CELF4: variants seen among roughly 807,000 people sequenced by gnomAD.
CELF4 encodes CUGBP Elav-like family member 4.
A neutral mutation model predicts 59.9 loss-of-function variants in CELF4; 18 were observed. The observed-to-expected ratio is 0.30, with a 90% CI of 0.21 to 0.45. CELF4 has a LOEUF of 0.45. Ranked by LOEUF, CELF4 falls within the 20% of genes least tolerant of loss-of-function variation. CELF4 has a pLI of 1.00. For missense variants in CELF4, 456 were observed against 689.0 expected (o/e 0.66, Z 3.79); for synonymous variants, 261 against 267.1 (o/e 0.98, Z 0.22).
intron 2 of CELF4, among the ~76,000 whole-genome samples, chr18:37,346,153 G>C (rs1427966244): frequency 2.6e-5 from 4 of 152,188 alleles, no homozygotes; most frequent in African/African-American, 4.8e-5. Context: ...GAGGATGAGG[G>C]CTCCCTATGT....
chr18:37,259,480 G>A (rs1266733523), intron 10 of CELF4, among the ~76,000 whole-genome samples: 1 of 152,242 alleles, frequency 6.6e-6, no homozygotes, highest in Non-Finnish European at 1.5e-5. Context: ...CCTTGGGCAA[G>A]TCACTGAACC....
chr18:37,546,093 C>T (rs917514574), intron 1 of CELF4, among the ~76,000 whole-genome samples: 3 of 152,196 alleles, frequency 2.0e-5, no homozygotes, highest in African/African-American at 7.2e-5. Context: ...TTGCAGAGAA[C>T]TGCAGGCGTG....
chr18:37,519,954 T>C (rs2154604606), intron 1 of CELF4, among the ~76,000 whole-genome samples: 1 of 152,296 alleles, frequency 6.6e-6, no homozygotes, highest in Non-Finnish European at 1.5e-5. Context: ...AAGGGGTTCC[T>C]TGTTAAGACC....
At chr18:37,261,844 G>A (rs966379360) in intron 10 of CELF4, among the ~76,000 whole-genome samples, 2 of 152,230 alleles carry the variant, frequency 1.3e-5, no homozygotes, top group Non-Finnish European at 2.9e-5. Flanking sequence ...GGAGGTGGCA[G>A]AAGGGTCCTC....
Position 37,512,291 on chromosome 18 carries a change from C to T in CELF4, c.287-26684G>A, listed in dbSNP as rs144880017. ...GTCCATGTGCTGAGCGTGATGGGGCCGTGTCGGCCACCCACCCTCCAAGAT... is the reference window on the plus strand; with the variant it reads ...GTCCATGTGCTGAGCGTGATGGGGCTGTGTCGGCCACCCACCCTCCAAGAT... On this transcript the variant is annotated intron_variant, in intron 1 of 12. Transcript: ENST00000420428. Among the ~76,000 whole-genome samples the T allele has an allele frequency of 1.3e-4, 20 of 152,332 alleles. 1 individual carries two copies. The highest frequency in any genetic ancestry group is 4.8e-4 in the African/African-American group (20 of 41,574).
intron 2 of CELF4, among the ~76,000 whole-genome samples, chr18:37,468,363 C>A (rs1297400498): frequency 6.6e-6 from 1 of 152,168 alleles, no homozygotes; most frequent in Non-Finnish European, 1.5e-5. Context: ...GTTTCTGGAG[C>A]TCCAGAAGAA....
chr18:37,292,920 A>C (rs1446686025), intron 3 of CELF4, among the ~76,000 whole-genome samples: 1 of 152,232 alleles, frequency 6.6e-6, no homozygotes, highest in African/African-American at 2.4e-5. Context: ...GCTGTAATAA[A>C]ACTTATTATG....
Position 37,436,199 on chromosome 18 carries a change from G to C in CELF4, c.369+49326C>G, listed in dbSNP as rs547931444. Among the ~76,000 whole-genome samples the C allele has an allele frequency of 1.0e-3, 152 of 152,326 alleles. No individual in the cohort carries two copies. In the Middle Eastern group the frequency reaches 0.017, roughly 17 times the overall value. On this transcript the variant is annotated intron_variant, in intron 2 of 12. Transcript: ENST00000420428. ...ACAGGCCTGGCGCTGGCTCGCTTAA[G>C]AGAAGAGCGTGGCTCAACTCTCCAG...
intron 2 of CELF4, among the ~76,000 whole-genome samples, chr18:37,435,008 G>T (rs1791482): frequency 6.6e-6 from 1 of 152,116 alleles, no homozygotes; most frequent in African/African-American, 2.4e-5. Flanking sequence ...TCCACAGGAG[G>T]GGGGGATCCA....
chr18:37,543,001 AC>A (rs1273266530), intron 1 of CELF4, among the ~76,000 whole-genome samples: 3 of 151,938 alleles, frequency 2.0e-5, no homozygotes, highest in Non-Finnish European at 4.4e-5. Flanking sequence ...TCCCCATCAC[AC>A]CCACCTCCAT....
intron 3 of CELF4, among the ~76,000 whole-genome samples, chr18:37,299,108 G>C (rs956172197): frequency 6.6e-6 from 1 of 152,156 alleles, no homozygotes; most frequent in Non-Finnish European, 1.5e-5. Flanking sequence ...AGGCAATGCT[G>C]GGCCAGGCAG....
At chr18:37,451,750 C>A (rs1023741923) in intron 2 of CELF4, among the ~76,000 whole-genome samples, 1 of 152,196 alleles carries the variant, frequency 6.6e-6, no homozygotes, top group Admixed American at 6.5e-5. Flanking sequence ...TGGGACAGCG[C>A]TGAGCGGCCC....
intron 1 of CELF4, among the ~76,000 whole-genome samples, chr18:37,503,937 C>T (rs2099934603): frequency 6.6e-6 from 1 of 152,202 alleles, no homozygotes; most frequent in African/African-American, 2.4e-5. Context: ...CAGTTGTCCT[C>T]TCCAGTAAGA....
At chr18:37,502,171 C>T (rs568250506) in intron 1 of CELF4, among the ~76,000 whole-genome samples, 8 of 152,134 alleles carry the variant, frequency 5.3e-5, no homozygotes, top group African/African-American at 1.4e-4. Flanking sequence ...CCTCTGGACT[C>T]GAGCTAACTT....
chr18:37,316,370 C>T (rs188668573), intron 3 of CELF4, among the ~76,000 whole-genome samples: 2 of 152,284 alleles, frequency 1.3e-5, no homozygotes, highest in Admixed American at 1.3e-4. Flanking sequence ...TTGGGGATAA[C>T]TGGATCCCCC....
intron 4 of CELF4, 53 bp from the exon 5 acceptor site, chr18:37,274,937 G>T: frequency 6.3e-7 from 1 of 1,584,546 alleles, no homozygotes; most frequent in Non-Finnish European, 8.6e-7. Context: ...CCAGGGAGGG[G>T]CCGGGAGGAG....
At chr18:37,463,389 A>T (rs1329356735) in intron 2 of CELF4, among the ~76,000 whole-genome samples, 1 of 152,202 alleles carries the variant, frequency 6.6e-6, no homozygotes, top group African/African-American at 2.4e-5. Flanking sequence ...GGACTGTGTC[A>T]GGTAATTCAC....
intron 1 of CELF4, among the ~76,000 whole-genome samples, chr18:37,531,895 C>T (rs1336802184): frequency 6.6e-6 from 1 of 152,172 alleles, no homozygotes; most frequent in East Asian, 1.9e-4. Flanking sequence ...CCCTTCCCTG[C>T]CCCTCCAACA....
chr18:37,324,424 G>A (rs2097227299), intron 2 of CELF4, among the ~76,000 whole-genome samples: 1 of 152,194 alleles, frequency 6.6e-6, no homozygotes, highest in Non-Finnish European at 1.5e-5. Context: ...GGAGGACACA[G>A]CGAGAAGGCC....
Sources: gnomAD v4.1 joint callset for allele counts (sites outside exome capture counted in the v4.1 genomes callset) on GRCh38, gnomAD v4.1.1 for gene constraint, MANE v1.5 for transcripts, NCBI Gene and HGNC (gene_info 2026-07-23, HGNC 2026-07-21) for gene names.